TENM3: variants seen among roughly 807,000 people sequenced by gnomAD.
TENM3 encodes the protein teneurin-3.
A neutral mutation model predicts 255.1 loss-of-function variants in TENM3; 63 were observed. That is an observed-to-expected ratio of 0.25 (90% CI 0.20 to 0.30). The LOEUF is 0.30. Ranked by LOEUF, TENM3 falls within the 10% of genes least tolerant of loss-of-function variation. The pLI, the probability that TENM3 is intolerant of heterozygous loss-of-function variation, is 1.00. For missense variants in TENM3, 2,929 were observed against 3,461.1 expected (o/e 0.85, Z 3.86); for synonymous variants, 1,306 against 1,322.3 (o/e 0.99, Z 0.27).
At chr4:182,493,566 T>C (rs1228566846) in intron 3 of TENM3, among the ~76,000 whole-genome samples, 1 of 152,166 alleles carries the variant, frequency 6.6e-6, no homozygotes, top group Admixed American at 6.5e-5. Flanking sequence ...GGCACTCATA[T>C]GAAAAGTGAT....
chr4:182,062,596 A>T, the TENM3 span, among the ~76,000 whole-genome samples: 1 of 152,236 alleles, frequency 6.6e-6, no homozygotes, highest in East Asian at 1.9e-4. Flanking sequence ...CATGACTACC[A>T]AAGAAAGCAA....
the TENM3 span, among the ~76,000 whole-genome samples, chr4:181,652,373 C>T: frequency 6.6e-6 from 1 of 152,162 alleles, no homozygotes; most frequent in Non-Finnish European, 1.5e-5. Context: ...CTCTCTTCCT[C>T]CTCGCCTACA....
At chr4:182,515,532 A>G (rs908183388) in intron 3 of TENM3, among the ~76,000 whole-genome samples, 2 of 152,134 alleles carry the variant, frequency 1.3e-5, no homozygotes, top group African/African-American at 4.8e-5. Flanking sequence ...AGTCTGTTGT[A>G]TATATATATG....
chr4:182,402,111 A>G (rs150701521), intron 3 of TENM3, among the ~76,000 whole-genome samples: 91 of 152,328 alleles, frequency 6.0e-4, no homozygotes, highest in Middle Eastern at 3.4e-3. Flanking sequence ...GTGCTCCCAA[A>G]GCTGCATGAA....
chr4:181,691,093 G>A, the TENM3 span, among the ~76,000 whole-genome samples: 1 of 152,112 alleles, frequency 6.6e-6, no homozygotes, highest in Non-Finnish European at 1.5e-5. Flanking sequence ...CAAATGCAAA[G>A]TCATGCATTG....
the TENM3 span, among the ~76,000 whole-genome samples, chr4:181,638,337 G>T: frequency 6.6e-6 from 1 of 152,174 alleles, no homozygotes; most frequent in African/African-American, 2.4e-5. Flanking sequence ...TCAATCTTCA[G>T]CAAGTATGTA....
chr4:181,519,207 C>T, the TENM3 span, among the ~76,000 whole-genome samples: 2 of 152,056 alleles, frequency 1.3e-5, no homozygotes, highest in Non-Finnish European at 2.9e-5. Flanking sequence ...GAAGTGACAA[C>T]AACAATGAAA....
At chr4:182,405,671 T>C (rs1769517717) in intron 3 of TENM3, among the ~76,000 whole-genome samples, 3 of 152,226 alleles carry the variant, frequency 2.0e-5, no homozygotes, top group Non-Finnish European at 2.9e-5. Context: ...TCTTCCTCTG[T>C]AATTGTGGAT....
intron 3 of TENM3, among the ~76,000 whole-genome samples, chr4:182,470,811 C>A (rs1277582342): frequency 6.6e-6 from 1 of 152,068 alleles, no homozygotes; most frequent in Non-Finnish European, 1.5e-5. Context: ...AGCCTCAAAC[C>A]AAAACTCTCC....
At chr4:182,133,691 T>C in the TENM3 span, among the ~76,000 whole-genome samples, 1 of 152,218 alleles carries the variant, frequency 6.6e-6, no homozygotes, top group Non-Finnish European at 1.5e-5. Flanking sequence ...CACTGAATTT[T>C]CAGCTGGAAT....
chr4:182,621,824 ATT>A (rs1414997075), intron 4 of TENM3, among the ~76,000 whole-genome samples: 37 of 90,616 alleles, frequency 4.1e-4, no homozygotes, highest in African/African-American at 1.5e-3. Flanking sequence ...ATATATATAT[ATT>A]AGCCAGATGT....
intron 1 of TENM3, among the ~76,000 whole-genome samples, chr4:182,153,609 G>C (rs558697659): frequency 4.9e-4 from 75 of 152,238 alleles, no homozygotes; most frequent in African/African-American, 1.8e-3. Flanking sequence ...CCACTATGCA[G>C]TTGTTTGATG....
At chr4:181,601,460 T>A in the TENM3 span, among the ~76,000 whole-genome samples, 1 of 152,264 alleles carries the variant, frequency 6.6e-6, no homozygotes, top group Non-Finnish European at 1.5e-5. Context: ...TGGCAGACGG[T>A]TGTCATCTTG....
At chr4:182,352,622 A>G (rs1765259085) in intron 3 of TENM3, among the ~76,000 whole-genome samples, 3 of 152,200 alleles carry the variant, frequency 2.0e-5, no homozygotes, top group Admixed American at 2.0e-4. Flanking sequence ...GTATAACATT[A>G]AAGTGCAGTC....
the TENM3 span, among the ~76,000 whole-genome samples, chr4:181,467,485 C>T: frequency 6.6e-6 from 1 of 151,766 alleles, no homozygotes; most frequent in African/African-American, 2.4e-5. Flanking sequence ...AGATCACAAG[C>T]ATATTATGAC....
chr4:182,474,437 T>C (rs1475212320), intron 3 of TENM3, among the ~76,000 whole-genome samples: 1 of 152,188 alleles, frequency 6.6e-6, no homozygotes. Context: ...TTCCTCTTTT[T>C]GAGAAACTGT....
intron 1 of TENM3, among the ~76,000 whole-genome samples, chr4:182,204,930 G>A (rs1193845640): frequency 6.6e-6 from 1 of 152,194 alleles, no homozygotes; most frequent in Non-Finnish European, 1.5e-5. Flanking sequence ...TGACAACTGA[G>A]TCTGCATTGT....
chr4:181,634,393 T>C, the TENM3 span, among the ~76,000 whole-genome samples: 24 of 151,470 alleles, frequency 1.6e-4, no homozygotes, highest in Non-Finnish European at 2.9e-5. Flanking sequence ...TCTTTTTTTT[T>C]TTTTTTTTTT....
chr4:181,849,949 T>TCACACACACACACACA, the TENM3 span, among the ~76,000 whole-genome samples: 16 of 65,960 alleles, frequency 2.4e-4, no homozygotes, highest in East Asian at 1.5e-3. Flanking sequence ...TCTCTCTCTC[T>TCACACACACACACACA]CACACACACA....
Sources: gnomAD v4.1 joint callset for allele counts (sites outside exome capture counted in the v4.1 genomes callset) on GRCh38, gnomAD v4.1.1 for gene constraint, MANE v1.5 for transcripts, NCBI Gene and HGNC (gene_info 2026-07-23, HGNC 2026-07-21) for gene names.